Variants in ARHGAP29 observed in about 807,000 individuals in gnomAD.
ARHGAP29 encodes the protein rho GTPase-activating protein 29.
Under a neutral mutation model 122.6 loss-of-function variants are expected in ARHGAP29, and 43 were observed. The ratio of observed to expected loss-of-function variants is 0.35; its 90% CI spans 0.27 to 0.45. The LOEUF is 0.45. Among genes scored for constraint, ARHGAP29 ranks in the 20% least tolerant of loss-of-function variants. ARHGAP29 has a pLI of 1.00. For synonymous variants in ARHGAP29, 506 were observed against 497.1 expected, an observed-to-expected ratio of 1.02 and a Z score of -0.24; for missense variants, 1,303 against 1,477.2, an observed-to-expected ratio of 0.88 and a Z score of 1.93.
intron 3 of ARHGAP29, among the ~76,000 whole-genome samples, chr1:94,214,347 T>C (rs1214938855): frequency 6.6e-6 from 1 of 152,224 alleles, no homozygotes; most frequent in Non-Finnish European, 1.5e-5. Context: ...TGGCTTTCTT[T>C]ATATACACTA....
chr1:94,236,117 G>A (rs896863640), intron 1 of ARHGAP29, among the ~76,000 whole-genome samples: 6 of 152,144 alleles, frequency 3.9e-5, no homozygotes, highest in Non-Finnish European at 7.3e-5. Context: ...ATCCTAAAAC[G>A]ATGATTAAAT....
chr1:94,260,969 C>T (rs1449614880), intron 1 of ARHGAP29, among the ~76,000 whole-genome samples: 7 of 152,158 alleles, frequency 4.6e-5, no homozygotes, highest in Non-Finnish European at 1.0e-4. Flanking sequence ...TTACAACCTC[C>T]TGTGTATCCC....
At chr1:94,184,000 T>C in intron 19 of ARHGAP29, 151 bp downstream of exon 19, 1 of 752,092 alleles carries the variant, frequency 1.3e-6, no homozygotes, top group Non-Finnish European at 2.1e-6. Flanking sequence ...ATGTATTTCA[T>C]ATACTCTGAC....
rs536912097 is a variant in ARHGAP29, at chr1:94,188,994, T to TA, written c.1577-54dup. 356 of 1,524,648 alleles carry TA rather than the reference T, an allele frequency of 2.3e-4. No homozygotes were observed. In the African/African-American group the frequency reaches 4.3e-3, roughly 19 times the overall value. 94.4% of individuals were successfully genotyped at this position (1,524,648 alleles called of 1,614,324 possible). A position where few individuals can be genotyped will look rare whatever the true frequency, so the allele number is the denominator to read the frequency against. On this transcript the variant is annotated intron_variant, in intron 14 of 22. Coordinates refer to ENST00000260526, the MANE Select transcript of ARHGAP29 (RefSeq NM_004815.4). Reference sequence around the variant, plus strand: ...TTGGCTACAGGTAGATTTCATAAGGTAAAATACTGACATTCTATCAAGTGA... The same window carrying TA: ...TTGGCTACAGGTAGATTTCATAAGGTAAAAATACTGACATTCTATCAAGTGA...
chr1:94,208,951 T>C (rs1455433620), intron 4 of ARHGAP29, 47 bp from the exon 5 acceptor site: 1 of 1,524,604 alleles, frequency 6.6e-7, no homozygotes, highest in Non-Finnish European at 9.1e-7. Context: ...TATACTTCTT[T>C]GTGACAGGGT....
intron 3 of ARHGAP29, among the ~76,000 whole-genome samples, chr1:94,211,010 T>C (rs1651566114): frequency 6.6e-6 from 1 of 151,530 alleles, no homozygotes. Flanking sequence ...AACAGCCAGG[T>C]GCAGTGGCTC....
intron 1 of ARHGAP29, among the ~76,000 whole-genome samples, chr1:94,253,032 G>A (rs752303375): frequency 5.3e-4 from 81 of 151,840 alleles, no homozygotes; most frequent in Non-Finnish European, 1.0e-3. Flanking sequence ...GTGCAGTGGC[G>A]TGATCTCGGC....
At chr1:94,180,440 A>G (rs17111203) in intron 19 of ARHGAP29, among the ~76,000 whole-genome samples, 3,177 of 152,312 alleles carry the variant, frequency 0.021, 70 homozygotes, top group East Asian at 0.086. Flanking sequence ...TTGAATTGCC[A>G]TAAATAGGTC....
At chr1:94,238,495 T>C (rs1038257619), upstream of ARHGAP29, among the ~76,000 whole-genome samples, 6 of 152,034 alleles carry the variant, frequency 3.9e-5, no homozygotes, top group African/African-American at 1.5e-4. Context: ...CACCACTCGC[T>C]GGAACAAGCG....
At chr1:94,235,460 GAA>G (rs1338925975) in intron 1 of ARHGAP29, among the ~76,000 whole-genome samples, 1 of 152,158 alleles carries the variant, frequency 6.6e-6, no homozygotes, top group African/African-American at 2.4e-5. Context: ...GAACCATAAA[GAA>G]AAGTCATTAT....
At chr1:94,230,339 T>TGGGAA (rs1652846345) in intron 2 of ARHGAP29, among the ~76,000 whole-genome samples, 1 of 151,800 alleles carries the variant, frequency 6.6e-6, no homozygotes, top group Admixed American at 6.6e-5. Context: ...AATCAAGCTA[T>TGGGAA]TAAAATGAAT....
the ARHGAP29 span, among the ~76,000 whole-genome samples, chr1:94,299,581 G>A: frequency 6.6e-6 from 1 of 152,156 alleles, no homozygotes; most frequent in South Asian, 2.1e-4. Context: ...AATTTTTTCG[G>A]TGGTGGGGGG....
intron 2 of ARHGAP29, among the ~76,000 whole-genome samples, chr1:94,229,267 T>C (rs1416646344): frequency 1.3e-5 from 2 of 151,822 alleles, no homozygotes. Context: ...AGTTAGAGCA[T>C]TTTAAACATT....
chr1:94,202,641 G>T lies in ARHGAP29; in HGVS notation c.1046C>A (p.Ala349Glu). ...ACTTGAAGACAGATGCTCCTCTTCT[G>T]CACGAAACATGGAAGACTTTGCTTT... ...YEKAKSSMFR[A>E]EEEHLSSSGG... Residue 349 changes from alanine (A) to glutamate (E), a missense_variant, in exon 11 of 23, where the codon GCA becomes GAA. Ala to Glu is a moderately radical substitution (Grantham distance 107). Around this residue, in one of 3 missense-constraint regions of ARHGAP29, gnomAD observed 592 missense variants for 648.2 expected, o/e 0.91. Transcript: ENST00000260526. The T allele has an allele frequency of 6.2e-7, 1 of 1,614,094 alleles. No individual in the cohort carries two copies. The highest frequency in any genetic ancestry group is 8.5e-7 in the Non-Finnish European group (1 of 1,180,028).
At chr1:94,265,138 C>T (rs1266210993) in intron 1 of ARHGAP29, among the ~76,000 whole-genome samples, 1 of 152,238 alleles carries the variant, frequency 6.6e-6, no homozygotes, top group Non-Finnish European at 1.5e-5. Context: ...CAGCCCTTCC[C>T]TACTTCTGTT....
In ARHGAP29 at chr1:94,202,435, T is replaced by C. The variant is rs1192587152; in HGVS notation, c.1143+109A>G. The C allele has an allele frequency of 9.6e-6, 13 of 1,354,872 alleles. No individual in the cohort carries two copies. In the Admixed American group the frequency reaches 9.8e-5, roughly 10 times the overall value. 83.9% of individuals were successfully genotyped at this position (1,354,872 alleles called of 1,614,324 possible). On this transcript the variant is annotated intron_variant, in intron 11 of 22. Transcript: ENST00000260526. The stretch of plus-strand genomic sequence containing the variant: ...ACTCTGGGGGATGGGCTTAGCCATG[T>C]TTTAACATGCCTTTCCAGGCAGTCT...
chr1:94,259,169 T>C (rs1654468883), intron 1 of ARHGAP29, among the ~76,000 whole-genome samples: 3 of 152,166 alleles, frequency 2.0e-5, no homozygotes, highest in African/African-American at 4.8e-5. Flanking sequence ...TAAGGAGTGT[T>C]CTTTTACTAG....
At chr1:94,286,307 C>A in the ARHGAP29 span, among the ~76,000 whole-genome samples, 1 of 152,220 alleles carries the variant, frequency 6.6e-6, no homozygotes, top group Admixed American at 6.5e-5. Flanking sequence ...GGGTTTAGGG[C>A]TTCAACATAT....
At chr1:94,201,522 C>G (rs1413742110) in intron 12 of ARHGAP29, among the ~76,000 whole-genome samples, 198 bp downstream of exon 12, 1 of 143,618 alleles carries the variant, frequency 7.0e-6, no homozygotes, top group Non-Finnish European at 1.5e-5. Flanking sequence ...CTCTCTCTCT[C>G]TCTCTCTCTC....
Sources: allele counts gnomAD v4.1 joint callset (sites outside exome capture counted in the v4.1 genomes callset), GRCh38; gene constraint gnomAD v4.1.1; regional missense constraint gnomAD v4.1.1; transcripts MANE v1.5; gene names NCBI Gene and HGNC (gene_info 2026-07-23, HGNC 2026-07-21).